Variants in STAU2 observed in about 807,000 individuals in gnomAD.
STAU2 encodes staufen double-stranded RNA binding protein 2.
STAU2 carries 20 observed loss-of-function variants against 65.9 expected under a neutral mutation model. The ratio of observed to expected loss-of-function variants is 0.30; its 90% confidence interval spans 0.21 to 0.44. The LOEUF is 0.44. Ranked by LOEUF, STAU2 falls within the 20% of genes least tolerant of loss-of-function variation. STAU2 has a pLI of 1.00. For synonymous variants in STAU2, 232 were observed against 233.9 expected (o/e 0.99, Z 0.07); for missense variants, 558 against 683.9 (o/e 0.82, Z 2.05).
rs7839888 is a variant in STAU2, at chr8:73,585,395, G to A, written c.1162-2565C>T. Among the ~76,000 whole-genome samples, 292 of 152,332 alleles carry A rather than the reference G, an allele frequency of 1.9e-3. 2 individuals carry two copies. The highest frequency in any genetic ancestry group is 6.3e-3 in the African/African-American group (263 of 41,594). ...CTCAGGAGGCTGAGGCAGGAGAATC[G>A]CTTGAACCCGGGAGGCGGAGGTTGC... On this transcript the variant is annotated intron_variant, in intron 11 of 14. Coordinates refer to ENST00000524300, the MANE Select transcript of STAU2 (RefSeq NM_001164380.2).
At chr8:73,467,486 C>T (rs142422722) in intron 13 of STAU2, among the ~76,000 whole-genome samples, 1,533 of 152,196 alleles carry the variant, frequency 0.01, 32 homozygotes, top group African/African-American at 0.035. Flanking sequence ...GAGCCGAGAT[C>T]GCGCCACTGC....
chr8:73,560,028 C>G (rs1347902584), intron 12 of STAU2, among the ~76,000 whole-genome samples: 3 of 150,614 alleles, frequency 2.0e-5, no homozygotes, highest in Non-Finnish European at 4.4e-5. Context: ...TCAGAATCAC[C>G]TTGGAAACGA....
rs1335277192 is a variant in STAU2 at position 73,421,456 on chromosome 8, C to T, written c.1629G>A (p.Lys543=). 5 of 1,537,120 alleles carry T rather than the reference C, an allele frequency of 3.3e-6. No homozygotes were observed. The African/African-American group carries it at 4.1e-5, about 13-fold the overall frequency. The part of the protein sequence containing the change: ...IEKGSLEKQA[K]HLREKADNNQ... Reference sequence around the variant, plus strand: ...TATTGTCCGCTTTCTCTCTCAGATGCTTGGCTTGTCTGAAAGATTAATACA... The same window carrying T: ...TATTGTCCGCTTTCTCTCTCAGATGTTTGGCTTGTCTGAAAGATTAATACA... The change falls in exon 15 of 15, where the codon AAG becomes AAA. Residue 543 remains lysine (K), a synonymous_variant. Transcript: ENST00000524300.
intron 12 of STAU2, among the ~76,000 whole-genome samples, chr8:73,555,439 A>G (rs1385578081): frequency 2.6e-5 from 4 of 152,182 alleles, no homozygotes; most frequent in Admixed American, 2.0e-4. Flanking sequence ...AGTTTTTTTA[A>G]AAACACTTTA....
At chr8:73,453,068 C>G (rs1450695236) in intron 13 of STAU2, among the ~76,000 whole-genome samples, 1 of 152,174 alleles carries the variant, frequency 6.6e-6, no homozygotes, top group African/African-American at 2.4e-5. Context: ...GTAAATGACT[C>G]TGACTCGGTG....
intron 13 of STAU2, chr8:73,551,646 G>A (rs1361004526): frequency 1.0e-6 from 1 of 997,540 alleles, no homozygotes; most frequent in Non-Finnish European, 1.2e-6. Flanking sequence ...GGAGAACTGA[G>A]TGTGAAATAC....
At chr8:73,565,514 C>A (rs902659366) in intron 12 of STAU2, among the ~76,000 whole-genome samples, 12 of 152,154 alleles carry the variant, frequency 7.9e-5, no homozygotes, top group African/African-American at 2.9e-4. Context: ...CACAAATGCA[C>A]AACAATAAAC....
At chr8:73,455,201 G>A (rs905362095) in intron 13 of STAU2, among the ~76,000 whole-genome samples, 2 of 152,078 alleles carry the variant, frequency 1.3e-5, no homozygotes, top group Non-Finnish European at 2.9e-5. Flanking sequence ...CGCTCTGCTT[G>A]GGCTGGCTCT....
At chr8:73,501,167 G>A (rs1017115084) in intron 13 of STAU2, among the ~76,000 whole-genome samples, 2 of 151,602 alleles carry the variant, frequency 1.3e-5, no homozygotes, top group African/African-American at 4.8e-5. Context: ...TACTTCTTTT[G>A]TGCAAACTTT....
intron 13 of STAU2, among the ~76,000 whole-genome samples, chr8:73,515,933 C>CTT (rs570606347): frequency 3.2e-4 from 40 of 126,682 alleles, no homozygotes; most frequent in Non-Finnish European, 5.3e-4. Flanking sequence ...GGCACTGACT[C>CTT]TTTTTTTTTT....
At chr8:73,617,938 A>G (rs1812957745) in intron 6 of STAU2, among the ~76,000 whole-genome samples, 1 of 152,260 alleles carries the variant, frequency 6.6e-6, no homozygotes, top group South Asian at 2.1e-4. Flanking sequence ...TAAGGAGTTT[A>G]GGCCAGTTCT....
intron 10 of STAU2, among the ~76,000 whole-genome samples, chr8:73,602,526 T>C (rs931355462): frequency 2.0e-5 from 3 of 152,132 alleles, no homozygotes; most frequent in African/African-American, 4.8e-5. Flanking sequence ...CTGGGCTACA[T>C]AGTAAGATCC....
At chr8:73,567,326 G>C (rs1374023116) in intron 12 of STAU2, among the ~76,000 whole-genome samples, 2 of 151,978 alleles carry the variant, frequency 1.3e-5, no homozygotes, top group East Asian at 3.9e-4. Context: ...TGACCAACAT[G>C]GAGAAACTCC....
intron 13 of STAU2, among the ~76,000 whole-genome samples, chr8:73,529,022 G>A (rs1805627065): frequency 6.6e-6 from 1 of 151,976 alleles, no homozygotes; most frequent in Admixed American, 6.6e-5. Context: ...ACTTCTTCCT[G>A]GGAATCTATA....
chr8:73,502,451 C>A (rs919040440), intron 13 of STAU2, among the ~76,000 whole-genome samples: 1 of 151,980 alleles, frequency 6.6e-6, no homozygotes, highest in Non-Finnish European at 1.5e-5. Flanking sequence ...CTGTACCTCA[C>A]ATTCTAACCC....
rs1586407680 is a variant in STAU2 at position 73,746,793 on chromosome 8, G to C, written c.-207C>G. Reference sequence around the variant, plus strand: ...GATGAGGGTATTTACCTTCTTGCCGGGGACACTTTGCAGACGGCTCCAACA... The same window carrying C: ...GATGAGGGTATTTACCTTCTTGCCGCGGACACTTTGCAGACGGCTCCAACA... On this transcript the variant is annotated 5_prime_UTR_variant, in exon 1 of 15. Coordinates refer to ENST00000524300, the MANE Select transcript of STAU2 (RefSeq NM_001164380.2). 1 of 1,231,920 alleles carries C rather than the reference G, an allele frequency of 8.1e-7. No homozygotes were observed. Among genetic ancestry groups the C allele is most frequent in the Non-Finnish European group, 1.0e-6 (1 of 986,860 alleles). The allele number at this position is 1,231,920 out of a possible 1,614,324, so 76.3% of individuals were successfully genotyped here. A position where few individuals can be genotyped will look rare whatever the true frequency, so the allele number is the denominator to read the frequency against.
At chr8:73,514,205 T>C (rs561788653) in intron 13 of STAU2, among the ~76,000 whole-genome samples, 2 of 152,324 alleles carry the variant, frequency 1.3e-5, no homozygotes, top group South Asian at 2.1e-4. Context: ...AATGTCTCTT[T>C]AGGAGAGATG....
At chr8:73,476,669 C>T (rs1387184524) in intron 13 of STAU2, among the ~76,000 whole-genome samples, 2 of 152,146 alleles carry the variant, frequency 1.3e-5, no homozygotes, top group Non-Finnish European at 1.5e-5. Context: ...GAATTAACAA[C>T]GTAAATATCG....
chr8:73,626,537 G>T (rs902228398), intron 6 of STAU2, among the ~76,000 whole-genome samples: 3 of 152,312 alleles, frequency 2.0e-5, no homozygotes, highest in African/African-American at 7.2e-5. Context: ...AAGAGAATAG[G>T]TGACAAGCCA....
Sources: gnomAD v4.1 joint callset for allele counts (sites outside exome capture counted in the v4.1 genomes callset) on GRCh38, gnomAD v4.1.1 for gene constraint, MANE v1.5 for transcripts, NCBI Gene and HGNC (gene_info 2026-07-23, HGNC 2026-07-21) for gene names.